The following DOCK3 variants were observed in gnomAD, a reference collection of about 807,000 sequenced individuals.
The protein encoded by DOCK3 is dedicator of cytokinesis protein 3.
DOCK3 carries 60 observed loss-of-function variants against 265.6 expected under a neutral mutation model. The ratio of observed to expected loss-of-function variants is 0.23; its 90% CI spans 0.18 to 0.28. DOCK3 has a LOEUF of 0.28. Among genes scored for constraint, DOCK3 ranks in the 10% least tolerant of loss-of-function variants. DOCK3 has a pLI of 1.00. For synonymous variants in DOCK3, 881 were observed against 938.0 expected, an observed-to-expected ratio of 0.94 and a Z score of 1.11; for missense variants, 1,981 against 2,594.3, an observed-to-expected ratio of 0.76 and a Z score of 5.14.
chr3:51,257,386 C>G (rs1410127959), intron 22 of DOCK3, among the ~76,000 whole-genome samples: 1 of 152,204 alleles, frequency 6.6e-6, no homozygotes, highest in African/African-American at 2.4e-5. Flanking sequence ...TTCAATATAT[C>G]TTTCCACTCA....
chr3:51,161,084 AAAAAAAAAAC>A (rs1334175785), intron 12 of DOCK3, among the ~76,000 whole-genome samples: 1 of 150,604 alleles, frequency 6.6e-6, no homozygotes, highest in East Asian at 1.9e-4. Flanking sequence ...TCAAAGAAAA[AAAAAAAAAAC>A]AAAAACACCT....
In DOCK3 at chr3:51,023,856, A is replaced by G. The variant is rs371576184; in HGVS notation, c.316-40592A>G. Among the ~76,000 whole-genome samples, 147 of 151,818 alleles carry G rather than the reference A, an allele frequency of 9.7e-4. 4 individuals are homozygous for G. In the South Asian group the frequency reaches 0.03, roughly 31 times the overall value. On this transcript the variant is annotated intron_variant, in intron 5 of 52. Coordinates refer to ENST00000266037, the MANE Select transcript of DOCK3 (RefSeq NM_004947.5). ...AGCTTGATAATCAACCTTCTGAATT[A>G]TTTTTGTCTCATTTCAAATATTTTA...
chr3:50,974,510 G>A (rs1449555134), intron 5 of DOCK3, among the ~76,000 whole-genome samples: 1 of 151,728 alleles, frequency 6.6e-6, no homozygotes, highest in Non-Finnish European at 1.5e-5. Flanking sequence ...TCTCTGTTTT[G>A]GTACCAGTAG....
At chr3:50,684,437 G>A (rs566967133) in intron 1 of DOCK3, among the ~76,000 whole-genome samples, 1 of 152,326 alleles carries the variant, frequency 6.6e-6, no homozygotes, top group East Asian at 1.9e-4. Context: ...AATAATATTT[G>A]ATTGTTAGAA....
At chr3:51,097,680 A>C (rs2082912205) in intron 9 of DOCK3, among the ~76,000 whole-genome samples, 1 of 152,212 alleles carries the variant, frequency 6.6e-6, no homozygotes, top group Non-Finnish European at 1.5e-5. Flanking sequence ...TCCTGCAGCT[A>C]GCTTGGTGTC....
intron 4 of DOCK3, among the ~76,000 whole-genome samples, chr3:50,924,108 G>T (rs548053733): frequency 5.6e-4 from 86 of 152,270 alleles, no homozygotes; most frequent in African/African-American, 2.0e-3. Flanking sequence ...TGTTATCTGT[G>T]TATGCATGTT....
intron 27 of DOCK3, among the ~76,000 whole-genome samples, chr3:51,306,953 T>C (rs1478260562): frequency 6.6e-6 from 1 of 152,246 alleles, no homozygotes; most frequent in Non-Finnish European, 1.5e-5. Flanking sequence ...TTTCCTATTT[T>C]TTTATATCTT....
chr3:51,008,832 T>G (rs559550436), intron 5 of DOCK3, among the ~76,000 whole-genome samples: 65 of 152,368 alleles, frequency 4.3e-4, no homozygotes, highest in African/African-American at 1.5e-3. Context: ...CATGAAGGGC[T>G]GTTGAATTTT....
chr3:51,339,168 C>T, intron 37 of DOCK3, 140 bp downstream of exon 37: 1 of 665,136 alleles, frequency 1.5e-6, no homozygotes, highest in East Asian at 3.1e-5. Context: ...CCTCACCTCA[C>T]TCATTTCCCT....
chr3:51,280,858 C>T (rs887442786), intron 27 of DOCK3, among the ~76,000 whole-genome samples: 8 of 152,162 alleles, frequency 5.3e-5, no homozygotes, highest in African/African-American at 1.9e-4. Flanking sequence ...TTTCCTGGCT[C>T]AGCCTGACTC....
intron 32 of DOCK3, among the ~76,000 whole-genome samples, chr3:51,323,186 G>A (rs935356317): frequency 2.0e-5 from 3 of 152,022 alleles, no homozygotes; most frequent in African/African-American, 7.3e-5. Context: ...CCCAATACAG[G>A]AGCACCCAGA....
At chr3:51,069,285 A>T (rs1054252785) in intron 6 of DOCK3, among the ~76,000 whole-genome samples, 8 of 152,172 alleles carry the variant, frequency 5.3e-5, no homozygotes, top group African/African-American at 1.9e-4. Context: ...TAGTCAGTTA[A>T]TTATATCTAC....
chr3:51,116,472 A>AGG (rs1553763621), intron 9 of DOCK3, among the ~76,000 whole-genome samples: 4 of 145,056 alleles, frequency 2.8e-5, no homozygotes, highest in African/African-American at 1.1e-4. Flanking sequence ...AAAAAAAAAA[A>AGG]GGGTAGTTTT....
At chr3:51,085,079 A>G (rs1191791107) in intron 7 of DOCK3, among the ~76,000 whole-genome samples, 3 of 152,228 alleles carry the variant, frequency 2.0e-5, no homozygotes, top group Non-Finnish European at 4.4e-5. Flanking sequence ...ATAAAAATAG[A>G]TAAGGTCATT....
At chr3:51,111,925 T>C (rs2109846268) in intron 9 of DOCK3, among the ~76,000 whole-genome samples, 1 of 152,286 alleles carries the variant, frequency 6.6e-6, no homozygotes, top group Middle Eastern at 3.4e-3. Flanking sequence ...AAAAAAGACA[T>C]ACACGTGGCC....
chr3:51,127,610 G>A (rs536288486), intron 9 of DOCK3, among the ~76,000 whole-genome samples: 1 of 152,320 alleles, frequency 6.6e-6, no homozygotes, highest in South Asian at 2.1e-4. Flanking sequence ...TAGTACAAGT[G>A]TATACATGCA....
At chr3:50,777,667 T>C (rs2041682616) in intron 1 of DOCK3, among the ~76,000 whole-genome samples, 1 of 152,172 alleles carries the variant, frequency 6.6e-6, no homozygotes, top group Non-Finnish European at 1.5e-5. Flanking sequence ...TTTATTTTTA[T>C]TTTTTGCAGC....
chr3:51,053,106 T>G lies in DOCK3; in HGVS notation c.316-11342T>G, dbSNP rs1371592274. 2.3e-4 allele frequency among the ~76,000 whole-genome samples: 24 copies of G among 104,396 alleles called. 1 individual carries two copies. Among genetic ancestry groups the G allele is most frequent in the African/African-American group, 4.9e-4 (14 of 28,352 alleles). The allele number at this position is 104,396 out of a possible 152,430, so 68.5% of individuals were successfully genotyped here. A position where few individuals can be genotyped will look rare whatever the true frequency, so the allele number is the denominator to read the frequency against. On this transcript the variant is annotated intron_variant, in intron 5 of 52. Transcript: ENST00000266037. ...ATATATATATATATATATATATATA[T>G]ATATATATATATATATGGATTTTAA...
Position 51,312,452 on chromosome 3 carries a change from TTTTCTC to T in DOCK3, c.3094-16_3094-11del. Reference sequence around the variant, plus strand: ...AAGATTAAGTTCTTAGACTGTCACATTTTCTCTTTCTCTGTCTGTCTAGGTGTGGAA... The same window carrying T: ...AAGATTAAGTTCTTAGACTGTCACATTTTCTCTGTCTGTCTAGGTGTGGAA... On this transcript the variant is annotated intron_variant, in intron 29 of 52. Transcript: ENST00000266037. The T allele has an allele frequency of 6.2e-7, 1 of 1,601,334 alleles. No individual in the cohort carries two copies. Among genetic ancestry groups the T allele is most frequent in the South Asian group, 1.1e-5 (1 of 90,696 alleles).
Sources: gnomAD v4.1 joint callset for allele counts (sites outside exome capture counted in the v4.1 genomes callset) on GRCh38, gnomAD v4.1.1 for gene constraint, MANE v1.5 for transcripts, NCBI Gene and HGNC (gene_info 2026-07-23, HGNC 2026-07-21) for gene names.